The following LMO7 variants were observed in gnomAD, a reference collection of about 807,000 sequenced individuals.
LMO7 encodes the protein LIM domain only protein 7.
A neutral mutation model predicts 206.5 loss-of-function variants in LMO7; 120 were observed. That is an observed-to-expected ratio of 0.58 (90% CI 0.50 to 0.68). The LOEUF (loss-of-function observed/expected upper bound fraction) is 0.68, where lower values mean the gene tolerates loss of function less well. LMO7 is among the 30% of genes least tolerant of loss of function. The pLI is 0.00. For synonymous variants in LMO7, 706 were observed against 681.5 expected (o/e 1.04, Z -0.56); for missense variants, 1,959 against 1,957.9 (o/e 1.00, Z -0.01).
At chr13:75,805,938 A>T in intron 9 of LMO7, 178 bp downstream of exon 9, 2 of 1,115,236 alleles carry the variant, frequency 1.8e-6, no homozygotes, top group Non-Finnish European at 2.5e-6. Context: ...CTGAGGATCT[A>T]GATCTTAAAA....
At chr13:75,636,174 A>T, upstream of LMO7, 5 of 419,508 alleles carry the variant, frequency 1.2e-5, no homozygotes, top group Non-Finnish European at 1.6e-5. Flanking sequence ...CGGGCCAGAC[A>T]GTCTGACCAC....
intron 4 of LMO7, among the ~76,000 whole-genome samples, chr13:75,771,655 TTAAAAACAA>T (rs2049756289): frequency 2.2e-5 from 1 of 46,220 alleles, no homozygotes; most frequent in East Asian, 8.8e-4. Flanking sequence ...CTTAATCTTG[TTAAAAACAA>T]ACTAAACTGT....
chr13:75,823,654 C>A lies in LMO7; in HGVS notation c.2730C>A (p.Asp910Glu). 1.2e-6 allele frequency: 2 copies of A among 1,614,090 alleles called. No individual in the cohort carries two copies. Among genetic ancestry groups the A allele is most frequent in the Non-Finnish European group, 1.7e-6 (2 of 1,179,964 alleles). Residue 910 changes from aspartate (D) to glutamate (E), a missense_variant, in exon 15 of 31, where the codon GAC (aspartate) becomes GAA (glutamate). By Grantham distance (45) the Asp-to-Glu change is conservative. Transcript: ENST00000377534. ...NVVSTPAPSP[D>E]ASQLASSLSS... is the part of the protein sequence containing the mutation. ...TCAGCACCCCTGCACCAAGCCCGGA[C>A]GCAAGCCAACTGGCTTCAAGCTTAT...
intron 1 of LMO7, among the ~76,000 whole-genome samples, chr13:75,644,338 A>G (rs1346171891): frequency 6.6e-6 from 1 of 152,236 alleles, no homozygotes; most frequent in Non-Finnish European, 1.5e-5. Flanking sequence ...CACTAGAAGT[A>G]GTAAATGCTG....
chr13:75,701,071 A>T (rs2042253920), intron 1 of LMO7, among the ~76,000 whole-genome samples: 1 of 152,198 alleles, frequency 6.6e-6, no homozygotes, highest in Non-Finnish European at 1.5e-5. Flanking sequence ...GAACATTCAT[A>T]TACAAGTTTT....
upstream of LMO7, chr13:75,636,223 G>C: frequency 1.1e-6 from 1 of 903,080 alleles, no homozygotes. Context: ...AGCCAAGGGA[G>C]GGGCAGACGG....
At chr13:75,651,969 G>A (rs1322897367) in intron 1 of LMO7, among the ~76,000 whole-genome samples, 1 of 152,254 alleles carries the variant, frequency 6.6e-6, no homozygotes, top group Non-Finnish European at 1.5e-5. Context: ...AGCAGAGTGT[G>A]TCACTGCCTC....
intron 1 of LMO7, among the ~76,000 whole-genome samples, chr13:75,682,183 G>A (rs1302735056): frequency 2.0e-5 from 3 of 152,142 alleles, no homozygotes; most frequent in African/African-American, 2.4e-5. Flanking sequence ...CATTCTTAAA[G>A]GTAGTACTAA....
At chr13:75,719,179 C>T (rs761441645) in intron 2 of LMO7, among the ~76,000 whole-genome samples, 2 of 152,030 alleles carry the variant, frequency 1.3e-5, no homozygotes, top group Admixed American at 1.3e-4. Context: ...AGGGTTTCAC[C>T]ATGTTGGCCA....
intron 17 of LMO7, chr13:75,835,005 C>A (rs1359616662): frequency 6.6e-6 from 3 of 456,360 alleles, no homozygotes; most frequent in East Asian, 3.5e-5. Flanking sequence ...TGGTAAAAAG[C>A]CCTAAACTCT....
chr13:75,685,546 T>G (rs982144461), intron 1 of LMO7, among the ~76,000 whole-genome samples: 2 of 152,172 alleles, frequency 1.3e-5, no homozygotes. Flanking sequence ...CTTGAGCCTG[T>G]GGAATATTTG....
rs574081164 is a variant in LMO7 at position 75,720,597 on chromosome 13, A to G, written c.141-6432A>G. On this transcript the variant is annotated intron_variant, in intron 2 of 30. Coordinates refer to ENST00000377534, the MANE Select transcript of LMO7 (RefSeq NM_001306080.2). Reference sequence around the variant, plus strand: ...CTACTCAGTGAAATCCATTAGTGCTATAATTATTGAGGGTCTCAGAATAAG... The same window carrying G: ...CTACTCAGTGAAATCCATTAGTGCTGTAATTATTGAGGGTCTCAGAATAAG... 3.9e-5 allele frequency among the ~76,000 whole-genome samples: 6 copies of G among 152,310 alleles called. No individual in the cohort carries two copies. In the South Asian group the frequency reaches 1.0e-3, roughly 26 times the overall value.
At chr13:75,822,783 T>C (rs1402738869) in intron 14 of LMO7, among the ~76,000 whole-genome samples, 1 of 133,452 alleles carries the variant, frequency 7.5e-6, no homozygotes, top group East Asian at 2.1e-4. Flanking sequence ...TATATATATA[T>C]ATATATATAT....
chr13:75,647,711 A>T (rs898632554), intron 1 of LMO7, among the ~76,000 whole-genome samples: 1 of 152,110 alleles, frequency 6.6e-6, no homozygotes, highest in Non-Finnish European at 1.5e-5. Flanking sequence ...AAAAATAGAA[A>T]CTTTATTGAG....
chr13:75,759,837 G>A (rs556667316), intron 3 of LMO7, among the ~76,000 whole-genome samples: 1 of 152,260 alleles, frequency 6.6e-6, no homozygotes, highest in Non-Finnish European at 1.5e-5. Context: ...TCTCCAAGTG[G>A]CAGACTATCT....
chr13:75,685,350 T>G (rs1220974554), intron 1 of LMO7, among the ~76,000 whole-genome samples: 1 of 152,194 alleles, frequency 6.6e-6, no homozygotes, highest in East Asian at 1.9e-4. Flanking sequence ...TCTTTACCCC[T>G]TCTGGCTAGA....
chr13:75,854,595 G>A (rs1417450036), intron 28 of LMO7, among the ~76,000 whole-genome samples: 1 of 152,050 alleles, frequency 6.6e-6, no homozygotes, highest in Admixed American at 6.6e-5. Context: ...AACGGGTGCC[G>A]CCTTACCAAC....
At chr13:75,811,477 C>T (rs895897360) in intron 11 of LMO7, among the ~76,000 whole-genome samples, 5 of 152,156 alleles carry the variant, frequency 3.3e-5, no homozygotes, top group Admixed American at 6.5e-5. Context: ...ACATAATGTA[C>T]GTTGTCAAGC....
At chr13:75,713,088 T>C (rs1315549777) in intron 1 of LMO7, 94 bp from the exon 2 acceptor site, 2 of 789,216 alleles carry the variant, frequency 2.5e-6, no homozygotes, top group Non-Finnish European at 4.2e-6. Flanking sequence ...CCTTCAAGTA[T>C]AACATTAAAT....
Sources: gnomAD v4.1 joint callset for allele counts (sites outside exome capture counted in the v4.1 genomes callset) on GRCh38, gnomAD v4.1.1 for gene constraint, MANE v1.5 for transcripts, NCBI Gene and HGNC (gene_info 2026-07-23, HGNC 2026-07-21) for gene names.